PTPRM: variants seen among roughly 807,000 people sequenced by gnomAD.
PTPRM encodes the protein receptor-type tyrosine-protein phosphatase mu.
In PTPRM, 47 loss-of-function variants were observed where a neutral mutation model predicts 186.7. That is an observed-to-expected ratio of 0.25 (90% CI 0.20 to 0.32). The LOEUF (loss-of-function observed/expected upper bound fraction) is 0.32. Ranked by LOEUF, PTPRM falls within the 10% of genes least tolerant of loss-of-function variation. The probability of loss-of-function intolerance (pLI) is 1.00; values close to 1 mark genes in which losing one functional copy is unlikely to be tolerated. For missense variants in PTPRM, 1,494 were observed against 1,865.0 expected (o/e 0.80, Z 3.66); for synonymous variants, 668 against 674.9 (o/e 0.99, Z 0.16).
chr18:8,033,899 T>A (rs2086159126), intron 7 of PTPRM, among the ~76,000 whole-genome samples: 1 of 152,174 alleles, frequency 6.6e-6, no homozygotes, highest in Non-Finnish European at 1.5e-5. Context: ...CGTGCTCCTT[T>A]CAGAAGCTTT....
chr18:7,796,771 T>G (rs1032935651), intron 2 of PTPRM, among the ~76,000 whole-genome samples: 1 of 152,188 alleles, frequency 6.6e-6, no homozygotes, highest in Non-Finnish European at 1.5e-5. Flanking sequence ...ATCTGAGGCC[T>G]AATTTAGCCA....
chr18:7,950,699 G>C (rs1045596914), intron 6 of PTPRM, among the ~76,000 whole-genome samples: 2 of 152,206 alleles, frequency 1.3e-5, no homozygotes, highest in African/African-American at 4.8e-5. Context: ...GGCCCTTGGT[G>C]GGAAGGGAGA....
At chr18:8,180,047 T>C (rs2093552649) in intron 14 of PTPRM, among the ~76,000 whole-genome samples, 2 of 152,078 alleles carry the variant, frequency 1.3e-5, no homozygotes, top group Non-Finnish European at 2.9e-5. Flanking sequence ...TGGGGTGACC[T>C]GAAAAATCAG....
chr18:7,663,347 C>G (rs2039021768), intron 1 of PTPRM, among the ~76,000 whole-genome samples: 1 of 152,092 alleles, frequency 6.6e-6, no homozygotes. Context: ...ATTTATTGGG[C>G]AACTGAGAGG....
chr18:7,598,782 C>CTT lies in PTPRM; in HGVS notation c.73+30908_73+30909dup, dbSNP rs34474506. 4.7e-5 allele frequency among the ~76,000 whole-genome samples: 6 copies of CTT among 127,844 alleles called. No individual in the cohort carries two copies. In the South Asian group the frequency reaches 1.0e-3, roughly 21 times the overall value. 83.9% of individuals were successfully genotyped at this position (127,844 alleles called of 152,430 possible). A position where few individuals can be genotyped will look rare whatever the true frequency, so the allele number is the denominator to read the frequency against. On this transcript the variant is annotated intron_variant, in intron 1 of 32. Coordinates refer to ENST00000580170, the MANE Select transcript of PTPRM (RefSeq NM_001105244.2). ...GGCCTGAGAATTTAGTTCTGAATTC[C>CTT]TTTTTTTTTTTTTTTTTTAAGGCAA... is the stretch of plus-strand genomic sequence containing the variant.
At chr18:7,763,783 G>A (rs564686457) in intron 1 of PTPRM, among the ~76,000 whole-genome samples, 2 of 152,176 alleles carry the variant, frequency 1.3e-5, no homozygotes, top group Admixed American at 1.3e-4. Flanking sequence ...ATAGTTGGCT[G>A]TCTGTTTTAA....
At chr18:7,639,532 A>AC (rs2038396967) in intron 1 of PTPRM, among the ~76,000 whole-genome samples, 1 of 150,290 alleles carries the variant, frequency 6.7e-6, no homozygotes, top group African/African-American at 2.5e-5. Context: ...GATTACAGGC[A>AC]CCTGCCACCA....
At chr18:8,376,239 G>C (rs756039980) in intron 25 of PTPRM, 39 bp downstream of exon 25, 1 of 1,598,702 alleles carries the variant, frequency 6.3e-7, no homozygotes, top group Non-Finnish European at 8.5e-7. Context: ...GAAACGCAGT[G>C]GGTGATGGGT....
intron 5 of PTPRM, among the ~76,000 whole-genome samples, chr18:7,932,466 G>T (rs1465356755): frequency 6.6e-6 from 1 of 151,986 alleles, no homozygotes; most frequent in East Asian, 1.9e-4. Context: ...TTTATTATAG[G>T]TAACTCCATT....
At chr18:7,751,185 C>A (rs111971395) in intron 1 of PTPRM, 15 of 152,302 alleles carry the variant, frequency 9.8e-5, no homozygotes, top group African/African-American at 3.6e-4. Flanking sequence ...TCTGCTGACC[C>A]CAGGAATGCC....
chr18:8,235,476 T>TTG (rs2094335004), intron 14 of PTPRM, among the ~76,000 whole-genome samples: 1 of 136,770 alleles, frequency 7.3e-6, no homozygotes, highest in African/African-American at 2.7e-5. Context: ...TTTTTTTTTT[T>TTG]TTTAGCCTGG....
At chr18:7,596,144 C>T (rs756973288) in intron 1 of PTPRM, among the ~76,000 whole-genome samples, 2 of 152,118 alleles carry the variant, frequency 1.3e-5, no homozygotes, top group Non-Finnish European at 2.9e-5. Flanking sequence ...CTTTGGGGCC[C>T]TTATGAAGTG....
Position 7,950,196 on chromosome 18 carries a change from AC to A in PTPRM, c.838+843del, listed in dbSNP as rs140250932. On this transcript the variant is annotated intron_variant, in intron 6 of 32. Transcript: ENST00000580170. ...GAGAAGCTGAGGCCAGAAGTTCCAG[AC>A]CAGCCTGGGCAACATATTGAGACTC... 9.2e-3 allele frequency among the ~76,000 whole-genome samples: 1,401 copies of A among 152,284 alleles called. 12 individuals are homozygous for A. Among genetic ancestry groups the A allele is most frequent in the South Asian group, 0.019 (92 of 4,824 alleles).
At chr18:8,144,575 G>A (rs1482105473) in intron 14 of PTPRM, among the ~76,000 whole-genome samples, 2 of 152,098 alleles carry the variant, frequency 1.3e-5, no homozygotes, top group Non-Finnish European at 2.9e-5. Flanking sequence ...TCCAGCCTGG[G>A]CAACAGGGCA....
intron 2 of PTPRM, among the ~76,000 whole-genome samples, chr18:7,809,784 T>C (rs918004672): frequency 5.9e-5 from 9 of 152,192 alleles, no homozygotes; most frequent in African/African-American, 2.2e-4. Context: ...GTGATGTTTA[T>C]CTTCCCTTTG....
intron 1 of PTPRM, among the ~76,000 whole-genome samples, chr18:7,760,119 C>T (rs911739514): frequency 9.2e-5 from 14 of 152,200 alleles, no homozygotes; most frequent in African/African-American, 3.4e-4. Context: ...TCTGCCTTCT[C>T]TTCTGCTGCC....
At chr18:8,357,783 G>A (rs2095571433) in intron 23 of PTPRM, among the ~76,000 whole-genome samples, 1 of 152,180 alleles carries the variant, frequency 6.6e-6, no homozygotes, top group African/African-American at 2.4e-5. Flanking sequence ...TAAAGGAGAT[G>A]CAAAAACATA....
chr18:8,347,796 A>G (rs2095513235), intron 23 of PTPRM, among the ~76,000 whole-genome samples: 1 of 152,172 alleles, frequency 6.6e-6, no homozygotes, highest in African/African-American at 2.4e-5. Flanking sequence ...CAGGTCTGGT[A>G]AGGTTATTAA....
chr18:8,366,722 G>A (rs2095631555), intron 23 of PTPRM: 1 of 152,232 alleles, frequency 6.6e-6, no homozygotes, highest in Admixed American at 6.5e-5. Flanking sequence ...CCGCCCTCTG[G>A]CAGTAATGAG....
Sources: gnomAD v4.1 joint callset for allele counts (sites outside exome capture counted in the v4.1 genomes callset) on GRCh38, gnomAD v4.1.1 for gene constraint, MANE v1.5 for transcripts, NCBI Gene and HGNC (gene_info 2026-07-23, HGNC 2026-07-21) for gene names.